TMEM175: variants seen among roughly 807,000 people sequenced by gnomAD.
The protein encoded by TMEM175 is endosomal/lysosomal proton channel TMEM175.
Under a neutral mutation model 36.5 loss-of-function variants are expected in TMEM175, and 36 were observed. The observed-to-expected ratio is 0.99, with a 90% CI of 0.76 to 1.30. The LOEUF is 1.30. TMEM175 is among the 50% of genes most tolerant of loss of function. The probability of loss-of-function intolerance (pLI) is 0.00; values close to 1 mark genes in which losing one functional copy is unlikely to be tolerated. For synonymous variants in TMEM175, 339 were observed against 313.4 expected, an observed-to-expected ratio of 1.08 and a Z score of -0.86; for missense variants, 705 against 692.8, an observed-to-expected ratio of 1.02 and a Z score of -0.20.
rs1277243732 is a variant in TMEM175 at position 933,912 on chromosome 4, AG to A, written c.-32+1373del. ...ATATAACAAAAATAACAGTAGCAATAGCTTAGTTTAGGCACTGATTTATTGC... is the reference window on the plus strand; with the variant it reads ...ATATAACAAAAATAACAGTAGCAATACTTAGTTTAGGCACTGATTTATTGC... On this transcript the variant is annotated intron_variant, in intron 1 of 10. Coordinates refer to ENST00000264771, the MANE Select transcript of TMEM175 (RefSeq NM_032326.4). Among the ~76,000 whole-genome samples, 26 of 152,382 alleles carry A rather than the reference AG, an allele frequency of 1.7e-4. No individual in the cohort carries two copies. In the Middle Eastern group the frequency reaches 0.014, roughly 80 times the overall value.
intron 3 of TMEM175, among the ~76,000 whole-genome samples, chr4:948,882 T>A (rs188075074): frequency 6.6e-6 from 1 of 152,244 alleles, no homozygotes; most frequent in African/African-American, 2.4e-5. Flanking sequence ...CGAGAAGTCA[T>A]GGGAGCTGCT....
chr4:937,529 C>G (rs1726930172), intron 1 of TMEM175, among the ~76,000 whole-genome samples: 1 of 152,206 alleles, frequency 6.6e-6, no homozygotes, highest in South Asian at 2.1e-4. Flanking sequence ...TGCCATTGCA[C>G]TCCAACCTGG....
Position 932,500 on chromosome 4 carries a change from C to T in TMEM175, c.-72C>T. On this transcript the variant is annotated 5_prime_UTR_variant, in exon 1 of 11. Transcript: ENST00000264771. The surrounding 1 kb of genome is among the most constrained non-coding windows in gnomAD (Gnocchi z 4.0). ...AAGCTCCCGGCCGGGCTGACTCAAG[C>T]GGAGGCGCGCGGAACAGTCGCCGAG... 8.5e-6 allele frequency: 4 copies of T among 468,226 alleles called. No homozygotes were observed. The highest frequency in any genetic ancestry group is 1.5e-5 in the Non-Finnish European group (4 of 271,122). 29.0% of individuals were successfully genotyped at this position (468,226 alleles called of 1,614,324 possible). A position where few individuals can be genotyped will look rare whatever the true frequency, so the allele number is the denominator to read the frequency against.
rs118076117 is a variant in TMEM175 at position 953,634 on chromosome 4, C to T, written c.627+280C>T. 2.4e-4 allele frequency among the ~76,000 whole-genome samples: 36 copies of T among 152,346 alleles called. No homozygotes were observed. In the East Asian group the frequency reaches 6.4e-3, roughly 27 times the overall value. ...CCTTCTCAGAGAAGCTTCACGATGA[C>T]GATGACCAGAAACAGCGACACCCGG... is the stretch of plus-strand genomic sequence containing the variant. On this transcript the variant is annotated intron_variant, in intron 8 of 10. Coordinates refer to ENST00000264771, the MANE Select transcript of TMEM175 (RefSeq NM_032326.4).
chr4:943,964 T>C (rs1483282326), intron 1 of TMEM175, among the ~76,000 whole-genome samples: 2 of 152,142 alleles, frequency 1.3e-5, no homozygotes, highest in East Asian at 1.9e-4. Flanking sequence ...TCAAAACCTC[T>C]GGAGGGTGCG....
chr4:950,505 G>C lies in TMEM175; in HGVS notation c.277G>C (p.Ala93Pro). The C allele has an allele frequency of 6.2e-7, 1 of 1,613,964 alleles. No homozygotes were observed. Among genetic ancestry groups the C allele is most frequent in the Non-Finnish European group, 8.5e-7 (1 of 1,179,940 alleles). The change falls in exon 4 of 11, where the codon GCA becomes CCA. Residue 93 changes from alanine to proline, a missense_variant. Physicochemically the swap from Ala to Pro is conservative, Grantham distance 27. Coordinates refer to ENST00000264771, the MANE Select transcript of TMEM175 (RefSeq NM_032326.4). ...CTTTCTCATCGTGACAGTGGCCTGG[G>C]CAGCACACACAAGGTGGGGGCCCGG... ...MTFLIVTVAW[A>P]AHTRLFQVVG...
intron 10 of TMEM175, among the ~76,000 whole-genome samples, chr4:957,574 G>C (rs1729857995): frequency 6.6e-6 from 1 of 152,246 alleles, no homozygotes; most frequent in South Asian, 2.1e-4. Context: ...GGGCCAGCAG[G>C]GTTGGGCTCC....
At chr4:952,090 G>A in intron 6 of TMEM175, 2 of 590,228 alleles carry the variant, frequency 3.4e-6, no homozygotes, top group Non-Finnish European at 6.0e-6. Context: ...GTCTGAGTGT[G>A]CGGGGCTGTG....
At position 932,598 on chromosome 4, in the gene TMEM175, G is replaced by T. The variant is rs1726118462; in HGVS notation, c.-32+58G>T. 1 of 389,914 alleles carries T rather than the reference G, an allele frequency of 2.6e-6. No homozygotes were observed. The highest frequency in any genetic ancestry group is 3.8e-5 in the East Asian group (1 of 26,394). 24.2% of individuals were successfully genotyped at this position (389,914 alleles called of 1,614,324 possible). Reference sequence around the variant, plus strand: ...CGTTCCCCACATGGTCTGTTTTGTGGGAGGCTCCTTCTCAGGTGTCTCCGG... The same window carrying T: ...CGTTCCCCACATGGTCTGTTTTGTGTGAGGCTCCTTCTCAGGTGTCTCCGG... On this transcript the variant is annotated intron_variant, in intron 1 of 10. Coordinates refer to ENST00000264771, the MANE Select transcript of TMEM175 (RefSeq NM_032326.4). This position sits in a 1 kb window ranked among gnomAD's most constrained non-coding sequence, Gnocchi z 4.0.
chr4:953,779 G>A (rs1162609649), intron 8 of TMEM175, among the ~76,000 whole-genome samples: 3 of 152,168 alleles, frequency 2.0e-5, no homozygotes, highest in Admixed American at 6.5e-5. Context: ...TCGACCTCCC[G>A]GGCTCAAGTG....
intron 6 of TMEM175, chr4:952,081 T>C: frequency 1.7e-6 from 1 of 586,286 alleles, no homozygotes. Flanking sequence ...TGGCCGCTAG[T>C]CTGAGTGTGC....
intron 3 of TMEM175, among the ~76,000 whole-genome samples, chr4:949,106 G>A (rs1728551090): frequency 6.6e-6 from 1 of 152,174 alleles, no homozygotes; most frequent in Non-Finnish European, 1.5e-5. Context: ...CGAGGCCCAT[G>A]GGGTGGGCTT....
intron 1 of TMEM175, among the ~76,000 whole-genome samples, chr4:937,462 C>T (rs1304203623): frequency 6.6e-6 from 1 of 152,134 alleles, no homozygotes; most frequent in Non-Finnish European, 1.5e-5. Flanking sequence ...ACTTGGGAGG[C>T]TGAGGGAGGA....
At chr4:944,903 C>A (rs1727938153) in intron 1 of TMEM175, among the ~76,000 whole-genome samples, 1 of 151,576 alleles carries the variant, frequency 6.6e-6, no homozygotes, top group African/African-American at 2.4e-5. Context: ...GACTTCAAGA[C>A]CAGCCTGGGC....
rs1728366357 is a variant in TMEM175, at chr4:947,790, C to T, written c.51C>T (p.Cys17=). 1 of 1,612,566 alleles carries T rather than the reference C, an allele frequency of 6.2e-7. No individual in the cohort carries two copies. The highest frequency in any genetic ancestry group is 1.3e-5 in the African/African-American group (1 of 74,920). ...PEQALDTPGD[C]PPGRRDEDAG... ...AGGCACTGGATACACCGGGGGACTG[C>T]CCCCCAGGCAGGAGAGACGAGGACG... Residue 17 remains cysteine (C), a synonymous_variant, in exon 2 of 11, where the codon TGC becomes TGT. Coordinates refer to ENST00000264771, the MANE Select transcript of TMEM175 (RefSeq NM_032326.4).
chr4:951,821 C>T, intron 6 of TMEM175, 104 bp downstream of exon 6: 1 of 1,266,772 alleles, frequency 7.9e-7, no homozygotes, highest in Non-Finnish European at 1.2e-6. Context: ...GCCCAGGCCA[C>T]ACGGTTGTAG....
intron 2 of TMEM175, 77 bp downstream of exon 2, chr4:947,969 C>G (rs1192559336): frequency 3.7e-6 from 6 of 1,609,658 alleles, no homozygotes; most frequent in Non-Finnish European, 5.1e-6. Flanking sequence ...TCAGACCTGT[C>G]TAGGTCTTGC....
intron 1 of TMEM175, among the ~76,000 whole-genome samples, chr4:935,191 C>G (rs1457513249): frequency 6.6e-6 from 1 of 152,180 alleles, no homozygotes; most frequent in Non-Finnish European, 1.5e-5. Flanking sequence ...AAACCAGAGT[C>G]AGACTACTTA....
rs745606053 is a variant in TMEM175 at position 958,158 on chromosome 4, A to G, written c.1177A>G (p.Met393Val). ...CCTGGCCAGCATCTTCCAGCTGGCC[A>G]TGTGGACCACGGCGCTGCTGCACCA... ...IFLASIFQLAMWTTALLHQAE... is the reference protein window; with the variant it reads ...IFLASIFQLAVWTTALLHQAE... The change falls in exon 11 of 11, where the codon ATG (methionine) becomes GTG (valine). Residue 393 changes from methionine (M) to valine (V), a missense_variant. Met to Val is a conservative substitution (Grantham distance 21). Coordinates refer to ENST00000264771, the MANE Select transcript of TMEM175 (RefSeq NM_032326.4). The G allele has an allele frequency of 2.8e-5, 45 of 1,603,532 alleles. No individual in the cohort carries two copies. The highest frequency in any genetic ancestry group is 3.6e-5 in the Non-Finnish European group (43 of 1,179,470).
Sources: gnomAD v4.1 joint callset for allele counts (sites outside exome capture counted in the v4.1 genomes callset) on GRCh38, gnomAD v4.1.1 for gene constraint, Gnocchi (gnomAD v3.1) non-coding constraint, MANE v1.5 for transcripts, NCBI Gene and HGNC (gene_info 2026-07-23, HGNC 2026-07-21) for gene names.